The following DPP6 variants were observed in gnomAD, a reference collection of about 807,000 sequenced individuals.
The protein encoded by DPP6 is dipeptidyl peptidase like 6.
In DPP6, 69 loss-of-function variants were observed where a neutral mutation model predicts 122.6. The observed-to-expected ratio is 0.56, with a 90% CI of 0.46 to 0.69. DPP6 has a LOEUF of 0.69. Ranked by LOEUF, DPP6 falls within the 30% of genes least tolerant of loss-of-function variation. The pLI is 0.00. For missense variants in DPP6, 928 were observed against 1,116.9 expected, an observed-to-expected ratio of 0.83 and a Z score of 2.41; for synonymous variants, 418 against 433.1, an observed-to-expected ratio of 0.97 and a Z score of 0.43.
intron 6 of DPP6, among the ~76,000 whole-genome samples, chr7:154,656,410 G>A (rs539762947): frequency 1.4e-5 from 2 of 144,838 alleles, no homozygotes. Flanking sequence ...GGGAGGTCGG[G>A]GGAGAGCTGG....
chr7:154,395,988 A>C (rs1027441507), intron 1 of DPP6, among the ~76,000 whole-genome samples: 6 of 151,124 alleles, frequency 4.0e-5, no homozygotes, highest in African/African-American at 1.5e-4. Flanking sequence ...GAATTCTGTC[A>C]AATGCTTTTT....
intron 1 of DPP6, among the ~76,000 whole-genome samples, chr7:154,196,424 A>C (rs1014403028): frequency 6.6e-6 from 1 of 152,204 alleles, no homozygotes; most frequent in Non-Finnish European, 1.5e-5. Flanking sequence ...CAGGAGGTGG[A>C]GGTTGCAGTG....
chr7:154,825,464 T>C (rs1171100541), intron 16 of DPP6, among the ~76,000 whole-genome samples: 1 of 152,252 alleles, frequency 6.6e-6, no homozygotes, highest in African/African-American at 2.4e-5. Flanking sequence ...TCACTTATTC[T>C]ACCAGCTGTC....
intron 16 of DPP6, among the ~76,000 whole-genome samples, chr7:154,836,499 T>A (rs1801068922): frequency 6.6e-6 from 1 of 152,230 alleles, no homozygotes; most frequent in Non-Finnish European, 1.5e-5. Context: ...CTTGTGCGGC[T>A]GTTCGAATTA....
At chr7:153,892,776 C>A (rs1458453086) in intron 1 of DPP6, among the ~76,000 whole-genome samples, 2 of 152,080 alleles carry the variant, frequency 1.3e-5, no homozygotes, top group African/African-American at 4.8e-5. Flanking sequence ...AGGGAATTTG[C>A]CTTCTCAAAA....
chr7:153,758,555 G>T, the DPP6 span, among the ~76,000 whole-genome samples: 11 of 146,514 alleles, frequency 7.5e-5, no homozygotes. Context: ...AAGGAAAACC[G>T]ATCTTTTTTT....
chr7:154,587,505 C>T, intron 5 of DPP6: 2 of 823,294 alleles, frequency 2.4e-6, no homozygotes, highest in Non-Finnish European at 1.9e-6. Flanking sequence ...AAATATTGTA[C>T]CTCTGCTTGA....
intron 4 of DPP6, among the ~76,000 whole-genome samples, chr7:154,556,914 G>A (rs1241378567): frequency 1.2e-5 from 1 of 82,866 alleles, no homozygotes; most frequent in Non-Finnish European, 3.0e-5. Context: ...AAACGTTCAG[G>A]AATGTGTTAG....
At chr7:153,813,208 G>T in the DPP6 span, among the ~76,000 whole-genome samples, 5 of 145,380 alleles carry the variant, frequency 3.4e-5, no homozygotes, top group African/African-American at 1.0e-4. Flanking sequence ...CCCAGAGTGT[G>T]ATGTTCCCCT....
chr7:153,833,819 T>A, the DPP6 span, among the ~76,000 whole-genome samples: 1 of 152,184 alleles, frequency 6.6e-6, no homozygotes, highest in Non-Finnish European at 1.5e-5. Context: ...CTGAAAAACC[T>A]TGGCTCACGC....
chr7:154,665,176 A>T (rs776940640), intron 6 of DPP6, among the ~76,000 whole-genome samples: 4 of 152,160 alleles, frequency 2.6e-5, no homozygotes, highest in Non-Finnish European at 5.9e-5. Context: ...TGATTGGAGT[A>T]AGGTTCTGCA....
intron 1 of DPP6, among the ~76,000 whole-genome samples, chr7:154,014,143 G>T (rs1798287398): frequency 6.6e-6 from 1 of 150,922 alleles, no homozygotes; most frequent in Admixed American, 6.6e-5. Flanking sequence ...AAAATAAAAA[G>T]ACCCTAATGT....
chr7:154,321,716 C>T (rs1198631103), intron 1 of DPP6, among the ~76,000 whole-genome samples: 2 of 140,418 alleles, frequency 1.4e-5, no homozygotes, highest in East Asian at 2.2e-4. Context: ...ACCCAGAAGG[C>T]GGAGGTTGCA....
rs1403879709 is a variant in DPP6, at chr7:153,964,919, TTTC to T, written c.51+77188_51+77190del. Among the ~76,000 whole-genome samples, 63 of 131,818 alleles carry T rather than the reference TTTC, an allele frequency of 4.8e-4. 2 individuals carry two copies. The highest frequency in any genetic ancestry group is 2.4e-3 in the African/African-American group (60 of 24,920). The allele number at this position is 131,818 out of a possible 152,430, so 86.5% of individuals were successfully genotyped here. On this transcript the variant is annotated intron_variant, in intron 1 of 25. Transcript: ENST00000404039. The stretch of plus-strand genomic sequence containing the variant: ...CTTTCCCTTCTTTTCTTTTCCTTTC[TTTC>T]TTTCTTTCTTTCTTTCTTTTTCTTT...
intron 8 of DPP6, among the ~76,000 whole-genome samples, chr7:154,745,572 A>G (rs1180521662): frequency 6.6e-6 from 1 of 152,216 alleles, no homozygotes; most frequent in Non-Finnish European, 1.5e-5. Context: ...TGGGCAATTT[A>G]TAAAAAGAAG....
At chr7:154,827,122 G>A (rs933127263) in intron 16 of DPP6, among the ~76,000 whole-genome samples, 2 of 151,266 alleles carry the variant, frequency 1.3e-5, no homozygotes, top group African/African-American at 4.9e-5. Flanking sequence ...ACTTAGAATG[G>A]TAATATAAAC....
chr7:154,389,154 A>G (rs1814389583), intron 1 of DPP6, among the ~76,000 whole-genome samples: 1 of 152,156 alleles, frequency 6.6e-6, no homozygotes, highest in Non-Finnish European at 1.5e-5. Flanking sequence ...ACGTCGATAA[A>G]TTAGTTAGGA....
the DPP6 span, among the ~76,000 whole-genome samples, chr7:153,864,484 G>A: frequency 1.6e-4 from 25 of 151,844 alleles, no homozygotes; most frequent in African/African-American, 3.4e-4. Flanking sequence ...GCAAAACCCC[G>A]TCTCTACTAA....
At chr7:154,023,318 G>GCATGCGCACACACACACA (rs71534479) in intron 1 of DPP6, among the ~76,000 whole-genome samples, 15 of 129,618 alleles carry the variant, frequency 1.2e-4, no homozygotes, top group African/African-American at 4.2e-4. Context: ...TTTCTTGTCT[G>GCATGCGCACACACACACA]CACACACACA....
Sources: allele counts gnomAD v4.1 joint callset (sites outside exome capture counted in the v4.1 genomes callset), GRCh38; gene constraint gnomAD v4.1.1; transcripts MANE v1.5; gene names NCBI Gene and HGNC (gene_info 2026-07-23, HGNC 2026-07-21).